Variants in C4orf51 observed in about 807,000 individuals in gnomAD.
The protein encoded by C4orf51 is uncharacterized protein C4orf51.
C4orf51 carries 25 observed loss-of-function variants against 25.2 expected under a neutral mutation model. The ratio of observed to expected loss-of-function variants is 0.99; its 90% CI spans 0.72 to 1.39. C4orf51 has a LOEUF of 1.39. Ranked by LOEUF, C4orf51 falls within the 40% of genes most tolerant of loss-of-function variation. The pLI is 0.00. For synonymous variants in C4orf51, 100 were observed against 84.5 expected, an observed-to-expected ratio of 1.18 and a Z score of -1.01; for missense variants, 252 against 239.6, an observed-to-expected ratio of 1.05 and a Z score of -0.34.
At chr4:145,749,144 T>C (rs1733541521) in intron 1 of C4orf51, among the ~76,000 whole-genome samples, 1 of 150,966 alleles carries the variant, frequency 6.6e-6, no homozygotes, top group South Asian at 2.1e-4. Flanking sequence ...TATCATTATA[T>C]AGTGACCCTC....
intron 2 of C4orf51, among the ~76,000 whole-genome samples, chr4:145,701,847 T>G (rs1730468025): frequency 1.3e-5 from 2 of 152,202 alleles, no homozygotes; most frequent in South Asian, 4.2e-4. Flanking sequence ...AGTTCCATTA[T>G]TAGGCCGAGA....
intron 1 of C4orf51, among the ~76,000 whole-genome samples, chr4:145,752,426 T>C (rs1424834727): frequency 6.6e-6 from 1 of 152,192 alleles, no homozygotes; most frequent in East Asian, 1.9e-4. Flanking sequence ...TGGCCCAGGA[T>C]GTGTCTAGAA....
At chr4:145,688,902 A>G (rs935254860) in intron 1 of C4orf51, among the ~76,000 whole-genome samples, 5 of 151,890 alleles carry the variant, frequency 3.3e-5, no homozygotes, top group Non-Finnish European at 7.4e-5. Flanking sequence ...AAACAAACAA[A>G]CAACAACAAC....
At chr4:145,735,579 G>C (rs1207105988), downstream of C4orf51, among the ~76,000 whole-genome samples, 2 of 152,108 alleles carry the variant, frequency 1.3e-5, no homozygotes, top group Non-Finnish European at 2.9e-5. Context: ...GCTTCTTCTG[G>C]TTTCTGCTTC....
intron 2 of C4orf51, among the ~76,000 whole-genome samples, chr4:145,708,096 G>A (rs1235031662): frequency 6.6e-6 from 1 of 152,226 alleles, no homozygotes; most frequent in African/African-American, 2.4e-5. Context: ...GTAGTTACCT[G>A]GAGAAGTGTC....
downstream of C4orf51, among the ~76,000 whole-genome samples, chr4:145,734,486 A>G (rs1410242179): frequency 3.3e-5 from 5 of 152,070 alleles, no homozygotes; most frequent in African/African-American, 9.7e-5. Context: ...GGTCAAACCA[A>G]TTCATTAGTG....
chr4:145,751,349 G>A (rs1312304214), intron 1 of C4orf51, among the ~76,000 whole-genome samples: 2 of 151,768 alleles, frequency 1.3e-5, no homozygotes, highest in East Asian at 4.2e-4. Context: ...TCTGCATTAC[G>A]GGACTCCTCC....
Position 145,747,020 on chromosome 4 carries a change from T to C in C4orf51, n.168-7187T>C, listed in dbSNP as rs186381922. Among the ~76,000 whole-genome samples, 101 of 152,292 alleles carry C rather than the reference T, an allele frequency of 6.6e-4. 1 individual carries two copies. Among genetic ancestry groups the C allele is most frequent in the Middle Eastern group, 3.4e-3 (1 of 294 alleles). On this transcript the variant is annotated intron_variant and non_coding_transcript_variant, in intron 1 of 1. Transcript: ENST00000508981. The stretch of plus-strand genomic sequence containing the variant: ...TTTTTCAGACTGTTTGCTGTTGGCA[T>C]ATAGAAATGCTACTGATTTTTGTAC...
At chr4:145,710,460 G>T (rs1424261711) in intron 2 of C4orf51, among the ~76,000 whole-genome samples, 1 of 151,928 alleles carries the variant, frequency 6.6e-6, no homozygotes. Context: ...CATGTGCAGT[G>T]GCCTGCTAAT....
At chr4:145,707,998 G>A (rs919418482) in intron 2 of C4orf51, among the ~76,000 whole-genome samples, 1 of 152,168 alleles carries the variant, frequency 6.6e-6, no homozygotes, top group African/African-American at 2.4e-5. Context: ...TCCAGTGGCC[G>A]ACTTTCTGGC....
chr4:145,703,374 A>T (rs933225859), intron 2 of C4orf51, among the ~76,000 whole-genome samples: 7 of 151,906 alleles, frequency 4.6e-5, no homozygotes, highest in Non-Finnish European at 8.8e-5. Flanking sequence ...CAAATCCTAT[A>T]AAACGGCCCC....
chr4:145,694,699 G>T (rs1578937626), intron 1 of C4orf51, among the ~76,000 whole-genome samples: 1 of 147,482 alleles, frequency 6.8e-6, no homozygotes, highest in South Asian at 2.2e-4. Flanking sequence ...GGTGAGGGGC[G>T]CCTCTGCCCG....
downstream of C4orf51, chr4:145,758,041 A>G (rs1414527519): frequency 6.6e-6 from 1 of 152,186 alleles, no homozygotes; most frequent in Non-Finnish European, 1.5e-5. Context: ...CAAACTGCAA[A>G]CCAAATTCAG....
rs1174930111 is a variant in C4orf51, at chr4:145,768,858, C to CAAAAAA, written n.167-2102_167-2097dup. Among the ~76,000 whole-genome samples, 17 of 4,534 alleles carry CAAAAAA rather than the reference C, an allele frequency of 3.7e-3. 7 individuals carry two copies. Among genetic ancestry groups the CAAAAAA allele is most frequent in the African/African-American group, 4.4e-3 (8 of 1,812 alleles). 3.0% of individuals were successfully genotyped at this position (4,534 alleles called of 152,430 possible). On this transcript the variant is annotated intron_variant and non_coding_transcript_variant, in intron 1 of 1. Coordinates refer to the C4orf51 transcript ENST00000510096. ...TGGGTGACAGAGCAAGACTCCGTCT[C>CAAAAAA]AAAAAAAAAAAAAAAAAAAAAAAAA...
At chr4:145,707,186 G>C in intron 2 of C4orf51, among the ~76,000 whole-genome samples, 1 of 151,896 alleles carries the variant, frequency 6.6e-6, no homozygotes, top group Middle Eastern at 3.2e-3. Context: ...TGATCCACCC[G>C]CCTCGGCCTC....
downstream of C4orf51, chr4:145,775,981 A>T: frequency 6.8e-6 from 11 of 1,614,080 alleles, no homozygotes; most frequent in Non-Finnish European, 9.3e-6. Flanking sequence ...AGGAACAGGA[A>T]AAAGCCCAAA....
chr4:145,747,055 G>A (rs1278960020), intron 1 of C4orf51, among the ~76,000 whole-genome samples: 1 of 152,010 alleles, frequency 6.6e-6, no homozygotes, highest in East Asian at 1.9e-4. Flanking sequence ...CGTTGATTTT[G>A]TATTCTGCAG....
At chr4:145,738,078 T>C (rs1732896581) in intron 1 of C4orf51, among the ~76,000 whole-genome samples, 1 of 152,130 alleles carries the variant, frequency 6.6e-6, no homozygotes, top group South Asian at 2.1e-4. Context: ...TCATTGTTAG[T>C]TGGTTCCTGC....
At chr4:145,744,910 T>C (rs1192421388) in intron 1 of C4orf51, among the ~76,000 whole-genome samples, 4 of 152,108 alleles carry the variant, frequency 2.6e-5, no homozygotes, top group Admixed American at 2.6e-4. Context: ...TCTATGGTGA[T>C]AATCTATTGC....
Sources: allele counts gnomAD v4.1 joint callset (sites outside exome capture counted in the v4.1 genomes callset), GRCh38; gene constraint gnomAD v4.1.1; transcripts MANE v1.5; gene names NCBI Gene and HGNC (gene_info 2026-07-23, HGNC 2026-07-21).